Variants in CACNA2D1 observed in about 807,000 individuals in gnomAD.
CACNA2D1 encodes the protein calcium voltage-gated channel auxiliary subunit alpha2delta 1.
CACNA2D1 carries 53 observed loss-of-function variants against 171.5 expected under a neutral mutation model. The ratio of observed to expected loss-of-function variants is 0.31; its 90% CI spans 0.25 to 0.39. The LOEUF is 0.39. Among genes scored for constraint, CACNA2D1 ranks in the 10% least tolerant of loss-of-function variants. CACNA2D1 has a pLI of 1.00. For missense variants in CACNA2D1, 903 were observed against 1,299.8 expected, an observed-to-expected ratio of 0.69 and a Z score of 4.69; for synonymous variants, 442 against 443.1, an observed-to-expected ratio of 1.00 and a Z score of 0.03.
chr7:82,384,266 A>C (rs1055013224), intron 1 of CACNA2D1, among the ~76,000 whole-genome samples: 1 of 152,138 alleles, frequency 6.6e-6, no homozygotes, highest in Admixed American at 6.6e-5. Flanking sequence ...GTATTTGGAG[A>C]AGGGGCCTTT....
intron 1 of CACNA2D1, among the ~76,000 whole-genome samples, chr7:82,438,949 G>A (rs376191299): frequency 5.3e-5 from 8 of 152,048 alleles, no homozygotes; most frequent in East Asian, 3.8e-4. Context: ...GTATACTTAC[G>A]TTAGAAATGC....
At chr7:82,393,916 T>G (rs779130516) in intron 1 of CACNA2D1, among the ~76,000 whole-genome samples, 1 of 152,182 alleles carries the variant, frequency 6.6e-6, no homozygotes, top group Non-Finnish European at 1.5e-5. Context: ...AGTGAGAAAC[T>G]AGCAGCAACA....
intron 5 of CACNA2D1, among the ~76,000 whole-genome samples, chr7:82,126,818 G>A (rs1391223351): frequency 6.6e-6 from 1 of 152,082 alleles, no homozygotes; most frequent in Non-Finnish European, 1.5e-5. Flanking sequence ...TTAGTCAGTT[G>A]AGTAGACAGA....
intron 3 of CACNA2D1, among the ~76,000 whole-genome samples, chr7:82,252,710 TG>T (rs1805799554): frequency 6.6e-6 from 1 of 151,944 alleles, no homozygotes; most frequent in Non-Finnish European, 1.5e-5. Context: ...GCCAACATGG[TG>T]AAACCCTGTC....
At chr7:81,967,115 A>G (rs1794784616) in intron 31 of CACNA2D1, 54 bp downstream of exon 31, 1 of 1,345,336 alleles carries the variant, frequency 7.4e-7, no homozygotes, top group Non-Finnish European at 1.1e-6. Context: ...AGTCTTAGCA[A>G]GAGTAACACA....
At chr7:82,352,738 A>G (rs1820000347) in intron 1 of CACNA2D1, among the ~76,000 whole-genome samples, 1 of 152,190 alleles carries the variant, frequency 6.6e-6, no homozygotes, top group Non-Finnish European at 1.5e-5. Flanking sequence ...CTGGAGTAGC[A>G]GCTACTTGAA....
chr7:82,340,340 TG>T (rs1480597883), intron 2 of CACNA2D1, among the ~76,000 whole-genome samples: 30 of 149,780 alleles, frequency 2.0e-4, no homozygotes, highest in African/African-American at 5.9e-4. Flanking sequence ...GTTTGTTTTT[TG>T]TTTTTTTTTT....
At chr7:82,036,699 T>G (rs1584496638) in intron 11 of CACNA2D1, among the ~76,000 whole-genome samples, 1 of 152,208 alleles carries the variant, frequency 6.6e-6, no homozygotes, top group Non-Finnish European at 1.5e-5. Context: ...TGGTGATGCA[T>G]TCAATAAATT....
intron 3 of CACNA2D1, among the ~76,000 whole-genome samples, chr7:82,306,282 C>G (rs34033835): frequency 6.6e-6 from 1 of 152,036 alleles, no homozygotes; most frequent in Admixed American, 6.6e-5. Context: ...AAGTGAGAAC[C>G]CTAAGACAAG....
chr7:82,304,579 A>C (rs569148242), intron 3 of CACNA2D1, among the ~76,000 whole-genome samples: 1 of 152,200 alleles, frequency 6.6e-6, no homozygotes, highest in Non-Finnish European at 1.5e-5. Flanking sequence ...GGAGATCATT[A>C]CGTTAAGTGA....
At chr7:81,971,091 A>AG (rs1795219180) in intron 26 of CACNA2D1, 1 of 251,274 alleles carries the variant, frequency 4.0e-6, no homozygotes, top group Non-Finnish European at 7.8e-6. Flanking sequence ...ACAAAAGGAG[A>AG]GAAACAGTAA....
chr7:82,110,335 C>T (rs924509366), intron 6 of CACNA2D1, among the ~76,000 whole-genome samples: 3 of 152,160 alleles, frequency 2.0e-5, no homozygotes, highest in Admixed American at 1.3e-4. Flanking sequence ...GGATTAGTGG[C>T]CTCATGAGAA....
intron 4 of CACNA2D1, among the ~76,000 whole-genome samples, chr7:82,165,057 T>C (rs115282094): frequency 0.016 from 2,434 of 152,036 alleles, 73 homozygotes; most frequent in African/African-American, 0.056. Flanking sequence ...TTTTAGGACA[T>C]TGGCAGCAAT....
At chr7:82,207,668 C>A (rs1239271306) in intron 3 of CACNA2D1, among the ~76,000 whole-genome samples, 1 of 152,130 alleles carries the variant, frequency 6.6e-6, no homozygotes, top group Non-Finnish European at 1.5e-5. Context: ...CACATAGTCA[C>A]CTGCTGGTAG....
At chr7:82,032,113 G>A (rs1047914528) in intron 12 of CACNA2D1, among the ~76,000 whole-genome samples, 1 of 151,956 alleles carries the variant, frequency 6.6e-6, no homozygotes, top group African/African-American at 2.4e-5. Flanking sequence ...AGTTTTGATT[G>A]AAGCTGATAT....
intron 3 of CACNA2D1, among the ~76,000 whole-genome samples, chr7:82,232,148 G>A (rs1054953390): frequency 6.6e-6 from 1 of 152,050 alleles, no homozygotes; most frequent in Non-Finnish European, 1.5e-5. Context: ...TATATTTATT[G>A]TTTTTAAAAC....
chr7:82,190,697 T>A (rs1469157435), intron 3 of CACNA2D1, among the ~76,000 whole-genome samples: 1 of 151,660 alleles, frequency 6.6e-6, no homozygotes, highest in Non-Finnish European at 1.5e-5. Flanking sequence ...CCTCCCAATA[T>A]CCTTAAATCC....
At chr7:82,414,990 A>G (rs1021503270) in intron 1 of CACNA2D1, among the ~76,000 whole-genome samples, 1 of 152,352 alleles carries the variant, frequency 6.6e-6, no homozygotes, top group Middle Eastern at 3.4e-3. Flanking sequence ...GGGAAGAAGA[A>G]AAACAACTTT....
intron 1 of CACNA2D1, among the ~76,000 whole-genome samples, chr7:82,366,902 C>T (rs1001929316): frequency 1.0e-5 from 1 of 100,234 alleles, no homozygotes; most frequent in South Asian, 4.2e-4. Context: ...CTGGTTTTGA[C>T]CTTTTTTTTT....
Sources: gnomAD v4.1 joint callset for allele counts (sites outside exome capture counted in the v4.1 genomes callset) on GRCh38, gnomAD v4.1.1 for gene constraint, MANE v1.5 for transcripts, NCBI Gene and HGNC (gene_info 2026-07-23, HGNC 2026-07-21) for gene names.